TRDN: variants seen among roughly 807,000 people sequenced by gnomAD.
The protein encoded by TRDN is triadin in skeletal muscle.
A neutral mutation model predicts 149.7 loss-of-function variants in TRDN; 161 were observed. The ratio of observed to expected loss-of-function variants is 1.08; its 90% CI spans 0.95 to 1.23. The LOEUF is 1.23. TRDN is among the 50% of genes most tolerant of loss of function. The pLI is 0.00. For synonymous variants in TRDN, 294 were observed against 250.5 expected, an observed-to-expected ratio of 1.17 and a Z score of -1.64; for missense variants, 896 against 823.5, an observed-to-expected ratio of 1.09 and a Z score of -1.08.
At chr6:123,616,561 C>A (rs1785093640) in intron 1 of TRDN, among the ~76,000 whole-genome samples, 1 of 152,048 alleles carries the variant, frequency 6.6e-6, no homozygotes, top group Non-Finnish European at 1.5e-5. Context: ...TGTGTAAATG[C>A]TGTATAAACA....
intron 1 of TRDN, among the ~76,000 whole-genome samples, chr6:123,587,438 G>A (rs561426505): frequency 3.9e-5 from 6 of 152,200 alleles, no homozygotes; most frequent in Non-Finnish European, 2.9e-5. Flanking sequence ...TTGGAGAAGA[G>A]AGTAAGAAGA....
intron 7 of TRDN, among the ~76,000 whole-genome samples, chr6:123,505,974 C>G (rs1778904813): frequency 6.6e-6 from 1 of 152,158 alleles, no homozygotes; most frequent in Non-Finnish European, 1.5e-5. Flanking sequence ...TAAATCATTT[C>G]TAAACCTCCT....
chr6:123,506,788 G>A (rs942488063), intron 7 of TRDN, among the ~76,000 whole-genome samples: 1 of 151,862 alleles, frequency 6.6e-6, no homozygotes, highest in Non-Finnish European at 1.5e-5. Context: ...CAATTCACAT[G>A]CAAAAAAATG....
chr6:123,555,398 A>C (rs1781594703), intron 2 of TRDN, among the ~76,000 whole-genome samples: 1 of 152,190 alleles, frequency 6.6e-6, no homozygotes, highest in Non-Finnish European at 1.5e-5. Context: ...CAAGGAAGTC[A>C]AGCATTCAAA....
intron 23 of TRDN, among the ~76,000 whole-genome samples, chr6:123,324,669 G>A (rs889458895): frequency 1.3e-5 from 2 of 152,126 alleles, no homozygotes; most frequent in African/African-American, 4.8e-5. Flanking sequence ...AGAGTTGCAC[G>A]TGTATTTCAC....
chr6:123,451,032 T>A (rs1271520371), intron 10 of TRDN, among the ~76,000 whole-genome samples: 1 of 151,906 alleles, frequency 6.6e-6, no homozygotes, highest in Non-Finnish European at 1.5e-5. Flanking sequence ...AGAAGGAAAT[T>A]TAAAAATTAT....
intron 24 of TRDN, among the ~76,000 whole-genome samples, chr6:123,305,448 AACT>A (rs1778574426): frequency 6.6e-6 from 1 of 152,116 alleles, no homozygotes; most frequent in African/African-American, 2.4e-5. Flanking sequence ...CCTCCAATTC[AACT>A]TTCTTCCATA....
intron 2 of TRDN, among the ~76,000 whole-genome samples, chr6:123,551,218 ATATATT>A (rs2114449886): frequency 8.4e-6 from 1 of 119,372 alleles, no homozygotes; most frequent in East Asian, 2.8e-4. Context: ...ATATATATAT[ATATATT>A]GCCTGGTTCT....
intron 14 of TRDN, among the ~76,000 whole-genome samples, chr6:123,387,868 G>GA (rs1002619105): frequency 9.2e-5 from 14 of 151,780 alleles, no homozygotes; most frequent in Non-Finnish European, 1.8e-4. Context: ...AGGGGAAAAA[G>GA]AAAAAAATGG....
intron 24 of TRDN, among the ~76,000 whole-genome samples, chr6:123,311,045 C>A (rs1363250146): frequency 2.0e-5 from 3 of 151,778 alleles, no homozygotes; most frequent in East Asian, 1.9e-4. Flanking sequence ...ACAATGAGAA[C>A]CTGTATTAGT....
chr6:123,313,811 C>T (rs1385474758), intron 24 of TRDN, among the ~76,000 whole-genome samples: 1 of 152,028 alleles, frequency 6.6e-6, no homozygotes, highest in Admixed American at 6.6e-5. Flanking sequence ...AAAATTGAAA[C>T]TGGACCCCTT....
intron 1 of TRDN, among the ~76,000 whole-genome samples, chr6:123,618,145 T>C (rs1309582673): frequency 6.6e-6 from 1 of 152,178 alleles, no homozygotes; most frequent in Non-Finnish European, 1.5e-5. Flanking sequence ...CACACTGGTA[T>C]ATTAGTTTTC....
intron 20 of TRDN, among the ~76,000 whole-genome samples, chr6:123,365,929 C>T (rs992209399): frequency 2.6e-5 from 4 of 152,104 alleles, no homozygotes; most frequent in African/African-American, 9.7e-5. Flanking sequence ...GCATAACTAG[C>T]TTTAATTTAT....
chr6:123,577,256 G>A (rs999455975), intron 1 of TRDN, among the ~76,000 whole-genome samples: 13 of 151,972 alleles, frequency 8.6e-5, no homozygotes, highest in Middle Eastern at 3.4e-3. Flanking sequence ...ACTAAGCTTC[G>A]TTACCCAACA....
chr6:123,445,140 C>T (rs1008959609), intron 10 of TRDN: 1 of 151,498 alleles, frequency 6.6e-6, no homozygotes, highest in South Asian at 2.1e-4. Context: ...GCTGTGAATC[C>T]ATCTGGTCCT....
At chr6:123,310,673 A>T (rs957893931) in intron 24 of TRDN, among the ~76,000 whole-genome samples, 6 of 152,000 alleles carry the variant, frequency 3.9e-5, no homozygotes, top group African/African-American at 1.4e-4. Flanking sequence ...GGCTTTTTTT[A>T]AAATGTCACA....
At chr6:123,558,856 G>A (rs767726000) in intron 2 of TRDN, among the ~76,000 whole-genome samples, 32 of 152,304 alleles carry the variant, frequency 2.1e-4, no homozygotes, top group Non-Finnish European at 4.1e-4. Flanking sequence ...AACTCCAAAC[G>A]CCTGAACTGC....
chr6:123,269,814 G>T, intron 31 of TRDN, 35 bp downstream of exon 31: 1 of 1,603,544 alleles, frequency 6.2e-7, no homozygotes, highest in Non-Finnish European at 8.5e-7. Context: ...ATGGTCAAGC[G>T]ATATTTCTCA....
intron 4 of TRDN, among the ~76,000 whole-genome samples, chr6:123,542,826 CT>C (rs1562376420): frequency 6.7e-6 from 1 of 150,196 alleles, no homozygotes; most frequent in Non-Finnish European, 1.5e-5. Context: ...CTCTCCCTCC[CT>C]TTTTCTTTCT....
Sources: gnomAD v4.1 joint callset for allele counts (sites outside exome capture counted in the v4.1 genomes callset) on GRCh38, gnomAD v4.1.1 for gene constraint, MANE v1.5 for transcripts, NCBI Gene and HGNC (gene_info 2026-07-23, HGNC 2026-07-21) for gene names.